The following MCTP2 variants were observed in gnomAD, a reference collection of about 807,000 sequenced individuals.
The protein encoded by MCTP2 is multiple C2 and transmembrane domain-containing protein 2.
In MCTP2, 132 loss-of-function variants were observed where a neutral mutation model predicts 111.6. That is an observed-to-expected ratio of 1.18 (90% CI 1.03 to 1.37). The LOEUF (loss-of-function observed/expected upper bound fraction) is 1.37, where lower values mean the gene tolerates loss of function less well. Ranked by LOEUF, MCTP2 falls within the 40% of genes most tolerant of loss-of-function variation. The pLI is 0.00. For synonymous variants in MCTP2, 395 were observed against 387.7 expected, an observed-to-expected ratio of 1.02 and a Z score of -0.22; for missense variants, 1,183 against 1,067.9, an observed-to-expected ratio of 1.11 and a Z score of -1.50.
At chr15:94,323,219 G>T (rs1368770025) in intron 4 of MCTP2, among the ~76,000 whole-genome samples, 1 of 152,182 alleles carries the variant, frequency 6.6e-6, no homozygotes, top group African/African-American at 2.4e-5. Flanking sequence ...TCAGAACAAT[G>T]GGCAGGTTTA....
At chr15:94,315,221 A>T (rs1325163811) in intron 3 of MCTP2, among the ~76,000 whole-genome samples, 3 of 152,164 alleles carry the variant, frequency 2.0e-5, no homozygotes, top group African/African-American at 7.2e-5. Flanking sequence ...TGAGTTTTAT[A>T]ACAAGGGATC....
Position 94,356,421 on chromosome 15 carries a change from T to C in MCTP2, c.1170+120T>C, listed in dbSNP as rs961768825. 17 of 899,382 alleles carry C rather than the reference T, an allele frequency of 1.9e-5. No individual in the cohort carries two copies. In the African/African-American group the frequency reaches 2.6e-4, roughly 14 times the overall value. 55.7% of individuals were successfully genotyped at this position (899,382 alleles called of 1,614,324 possible). On this transcript the variant is annotated intron_variant, in intron 9 of 22. Transcript: ENST00000357742. ...AATTTATGTTCAGCCCGCCTAACTATATTAAAGAGCAGAAAACAAAATAAT... is the reference window on the plus strand; with the variant it reads ...AATTTATGTTCAGCCCGCCTAACTACATTAAAGAGCAGAAAACAAAATAAT...
intron 14 of MCTP2, among the ~76,000 whole-genome samples, chr15:94,390,329 C>G (rs1179955259): frequency 6.6e-6 from 1 of 151,960 alleles, no homozygotes; most frequent in Non-Finnish European, 1.5e-5. Flanking sequence ...AATATTTGCT[C>G]ATTTTCACAT....
chr15:94,408,472 A>G (rs556161928), intron 17 of MCTP2, among the ~76,000 whole-genome samples: 15 of 152,234 alleles, frequency 9.9e-5, no homozygotes, highest in Non-Finnish European at 1.9e-4. Flanking sequence ...ATGAAGGACT[A>G]CATAATATAC....
chr15:94,249,561 C>G (rs2152264515), intron 1 of MCTP2, among the ~76,000 whole-genome samples: 1 of 151,970 alleles, frequency 6.6e-6, no homozygotes, highest in South Asian at 2.1e-4. Context: ...TCTCAGCTCA[C>G]TGCAACCTCC....
chr15:94,416,277 T>G (rs1176855374), intron 17 of MCTP2, among the ~76,000 whole-genome samples: 1 of 151,872 alleles, frequency 6.6e-6, no homozygotes, highest in Admixed American at 6.6e-5. Context: ...TTTAAAGAAA[T>G]TCTTGTTTGT....
chr15:94,245,276 G>GTA (rs1274633755), intron 1 of MCTP2, among the ~76,000 whole-genome samples: 6 of 129,942 alleles, frequency 4.6e-5, no homozygotes, highest in East Asian at 2.2e-4. Context: ...GTGTATATAC[G>GTA]TATATACACA....
intron 1 of MCTP2, among the ~76,000 whole-genome samples, chr15:94,294,753 A>C (rs1336637763): frequency 6.6e-6 from 1 of 152,140 alleles, no homozygotes; most frequent in Non-Finnish European, 1.5e-5. Context: ...GATTTCCCTC[A>C]AAGGGGAATG....
At chr15:94,309,786 TC>T in intron 2 of MCTP2, among the ~76,000 whole-genome samples, 1 of 152,114 alleles carries the variant, frequency 6.6e-6, no homozygotes, top group Non-Finnish European at 1.5e-5. Flanking sequence ...TGTATTACCT[TC>T]CCATAAATTT....
intron 4 of MCTP2, among the ~76,000 whole-genome samples, chr15:94,337,913 T>C (rs371389896): frequency 1.3e-5 from 2 of 152,326 alleles, no homozygotes; most frequent in East Asian, 1.9e-4. Context: ...GCTGCTATTT[T>C]AGTTCGTAGT....
intron 17 of MCTP2, among the ~76,000 whole-genome samples, chr15:94,421,257 T>C (rs917303685): frequency 1.1e-4 from 17 of 152,180 alleles, no homozygotes; most frequent in African/African-American, 4.1e-4. Flanking sequence ...CTTTATTATG[T>C]ACTGGGAAAC....
chr15:94,340,617 GTTGAA>G (rs1175242945), intron 6 of MCTP2, among the ~76,000 whole-genome samples, 191 bp from the exon 7 acceptor site: 1 of 152,130 alleles, frequency 6.6e-6, no homozygotes, highest in African/African-American at 2.4e-5. Context: ...TTAACCAACT[GTTGAA>G]TTAAACAATG....
intron 6 of MCTP2, among the ~76,000 whole-genome samples, chr15:94,340,520 G>C (rs2077579012): frequency 6.6e-6 from 1 of 152,088 alleles, no homozygotes; most frequent in East Asian, 1.9e-4. Flanking sequence ...TTCATACTTT[G>C]ATTTGTTAAT....
At chr15:94,315,671 T>C (rs2076348167) in intron 4 of MCTP2, 34 bp downstream of exon 4, 1 of 1,458,838 alleles carries the variant, frequency 6.9e-7, no homozygotes. Context: ...GGGTGTAGCC[T>C]GGAAACTTCT....
intron 4 of MCTP2, among the ~76,000 whole-genome samples, chr15:94,324,469 A>G (rs1227141153): frequency 2.0e-5 from 3 of 152,234 alleles, no homozygotes; most frequent in South Asian, 2.1e-4. Flanking sequence ...TCGCTGTCAC[A>G]TTACTAGGGC....
intron 1 of MCTP2, among the ~76,000 whole-genome samples, chr15:94,288,013 A>T (rs1258899813): frequency 6.6e-6 from 1 of 152,184 alleles, no homozygotes; most frequent in African/African-American, 2.4e-5. Context: ...CTTGTGGTGG[A>T]GGCAGTGGCA....
chr15:94,329,274 C>T (rs1028628017), intron 4 of MCTP2, among the ~76,000 whole-genome samples: 1 of 152,140 alleles, frequency 6.6e-6, no homozygotes, highest in Non-Finnish European at 1.5e-5. Flanking sequence ...TCTAACTTTC[C>T]TCATCCTTTA....
In MCTP2 at chr15:94,239,996, A is replaced by G. The variant is rs563758263; in HGVS notation, c.-66+8332A>G. Among the ~76,000 whole-genome samples the G allele has an allele frequency of 2.0e-5, 3 of 152,282 alleles. 1 individual carries two copies. The highest frequency in any genetic ancestry group is 6.5e-5 in the Admixed American group (1 of 15,296). On this transcript the variant is annotated intron_variant, in intron 1 of 22. Coordinates refer to ENST00000357742, the MANE Select transcript of MCTP2 (RefSeq NM_001385001.1). The stretch of plus-strand genomic sequence containing the variant: ...TTTCAAGCATTGTCACTATGAGCCC[A>G]AGATCCAGAATTATTATTTTATTGT...
At chr15:94,302,955 A>G (rs884194) in intron 2 of MCTP2, among the ~76,000 whole-genome samples, 1,653 of 151,740 alleles carry the variant, frequency 0.011, 18 homozygotes, top group Non-Finnish European at 0.019. Flanking sequence ...GGCAGAAGGC[A>G]AGGAGGAGCA....
Sources: gnomAD v4.1 joint callset for allele counts (sites outside exome capture counted in the v4.1 genomes callset) on GRCh38, gnomAD v4.1.1 for gene constraint, MANE v1.5 for transcripts, NCBI Gene and HGNC (gene_info 2026-07-23, HGNC 2026-07-21) for gene names.